Variants in OPCML observed in about 807,000 individuals in gnomAD.
OPCML encodes opioid-binding protein/cell adhesion molecule.
A neutral mutation model predicts 37.8 loss-of-function variants in OPCML; 13 were observed. That is an observed-to-expected ratio of 0.34 (90% CI 0.22 to 0.55). The LOEUF (loss-of-function observed/expected upper bound fraction) is 0.55. Among genes scored for constraint, OPCML ranks in the 20% least tolerant of loss-of-function variants. The pLI, the probability that OPCML is intolerant of heterozygous loss-of-function variation, is 0.91. For missense variants in OPCML, 341 were observed against 435.6 expected (o/e 0.78, Z 1.93); for synonymous variants, 176 against 168.8 (o/e 1.04, Z -0.33).
chr11:133,191,092 T>C (rs1038397082), intron 1 of OPCML, among the ~76,000 whole-genome samples: 5 of 152,226 alleles, frequency 3.3e-5, no homozygotes, highest in Non-Finnish European at 7.3e-5. Context: ...GTACCATTTT[T>C]TCATTTTCCT....
chr11:133,381,138 A>G (rs1293144987), intron 1 of OPCML, among the ~76,000 whole-genome samples: 2 of 152,230 alleles, frequency 1.3e-5, no homozygotes, highest in Non-Finnish European at 2.9e-5. Flanking sequence ...GGAGTGGCTT[A>G]GAAATTGGAC....
At chr11:132,422,655 A>G (rs1341882405) in intron 7 of OPCML, among the ~76,000 whole-genome samples, 1 of 152,244 alleles carries the variant, frequency 6.6e-6, no homozygotes, top group Non-Finnish European at 1.5e-5. Flanking sequence ...CCTATGAGCT[A>G]TGTGCTACTG....
At chr11:132,999,228 T>C (rs893659227) in intron 1 of OPCML, among the ~76,000 whole-genome samples, 4 of 152,144 alleles carry the variant, frequency 2.6e-5, no homozygotes, top group African/African-American at 2.4e-5. Flanking sequence ...CTAAACCTAC[T>C]ATCATTTCTC....
At chr11:133,027,512 C>T (rs929990203) in intron 1 of OPCML, among the ~76,000 whole-genome samples, 8 of 140,050 alleles carry the variant, frequency 5.7e-5, no homozygotes, top group Admixed American at 1.4e-4. Flanking sequence ...GTGTGTAGTG[C>T]GGTGTGTGTG....
At chr11:133,032,306 C>T (rs35538167) in intron 1 of OPCML, among the ~76,000 whole-genome samples, 20,278 of 152,186 alleles carry the variant, frequency 0.13, 1,725 homozygotes, top group Middle Eastern at 0.21. Context: ...TTACATAATG[C>T]CCCAGCCCAG....
rs1939355634 is a variant in OPCML at position 133,211,463 on chromosome 11, T to G, written c.62-268453A>C. On this transcript the variant is annotated intron_variant, in intron 1 of 7. Coordinates refer to ENST00000524381, the MANE Select transcript of OPCML (RefSeq NM_001012393.5). This position sits in a 1 kb window ranked among gnomAD's most constrained non-coding sequence, Gnocchi z 4.1. ...CTGCACTACAATAAGACATTGTCAA[T>G]CAGCAGCCTTGAGTCCTTGGAGATA... is the stretch of plus-strand genomic sequence containing the variant. 6.6e-6 allele frequency among the ~76,000 whole-genome samples: 1 copy of G among 152,200 alleles called. No individual in the cohort carries two copies. The highest frequency in any genetic ancestry group is 6.5e-5 in the Admixed American group (1 of 15,284).
At chr11:133,391,271 G>A (rs1163653446) in intron 1 of OPCML, among the ~76,000 whole-genome samples, 3 of 152,160 alleles carry the variant, frequency 2.0e-5, no homozygotes, top group Non-Finnish European at 4.4e-5. Flanking sequence ...GCTGCAGAAT[G>A]ACCTACTGGC....
intron 2 of OPCML, among the ~76,000 whole-genome samples, chr11:132,752,565 G>T (rs924385988): frequency 1.3e-5 from 2 of 151,736 alleles, no homozygotes; most frequent in African/African-American, 4.8e-5. Flanking sequence ...AGAAAATAAA[G>T]AATCTGTAGA....
At chr11:132,908,258 T>C (rs1216755450) in intron 2 of OPCML, among the ~76,000 whole-genome samples, 1 of 151,794 alleles carries the variant, frequency 6.6e-6, no homozygotes, top group Non-Finnish European at 1.5e-5. Context: ...ATTAGTCCCC[T>C]CCCCCAAAGA....
intron 3 of OPCML, among the ~76,000 whole-genome samples, chr11:132,595,660 C>T (rs1591600941): frequency 6.6e-6 from 1 of 152,296 alleles, no homozygotes; most frequent in South Asian, 2.1e-4. Context: ...AGGACCTGTG[C>T]ATCCAGAACA....
At chr11:132,491,820 T>C (rs576887313) in intron 4 of OPCML, among the ~76,000 whole-genome samples, 1 of 152,086 alleles carries the variant, frequency 6.6e-6, no homozygotes, top group Non-Finnish European at 1.5e-5. Flanking sequence ...AGGAATCATA[T>C]GCTGGGACAG....
intron 2 of OPCML, among the ~76,000 whole-genome samples, chr11:132,683,528 G>A (rs140062190): frequency 0.013 from 2,011 of 152,228 alleles, 15 homozygotes; most frequent in Admixed American, 0.021. Context: ...ATGACTTTTC[G>A]TAACTTAAAT....
chr11:133,186,661 T>C (rs904881207), intron 1 of OPCML, among the ~76,000 whole-genome samples: 1 of 152,210 alleles, frequency 6.6e-6, no homozygotes, highest in Non-Finnish European at 1.5e-5. Flanking sequence ...ACTTAGGACA[T>C]GTATATTATG....
intron 1 of OPCML, among the ~76,000 whole-genome samples, chr11:133,209,396 G>A (rs919788724): frequency 8.5e-5 from 13 of 152,188 alleles, no homozygotes; most frequent in African/African-American, 3.1e-4. Flanking sequence ...CTTCTCAGCT[G>A]TCTTAATGCC....
Position 133,437,300 on chromosome 11 carries a change from T to C in OPCML, c.61+94964A>G, listed in dbSNP as rs563641138. Among the ~76,000 whole-genome samples, 3 of 152,180 alleles carry C rather than the reference T, an allele frequency of 2.0e-5. No homozygotes were observed. In the South Asian group the frequency reaches 6.2e-4, roughly 32 times the overall value. On this transcript the variant is annotated intron_variant, in intron 1 of 7. Transcript: ENST00000524381. Reference sequence around the variant, plus strand: ...AGCCATTATCAATAACCTAATAATATCAATAGGGGCTAAGATGAGATGGCG... The same window carrying C: ...AGCCATTATCAATAACCTAATAATACCAATAGGGGCTAAGATGAGATGGCG...
chr11:132,822,400 T>C (rs1330395474), intron 2 of OPCML, among the ~76,000 whole-genome samples: 1 of 152,186 alleles, frequency 6.6e-6, no homozygotes, highest in African/African-American at 2.4e-5. Context: ...CTGCACTCGG[T>C]GACATTCCCC....
At chr11:133,326,677 G>T (rs1402741919) in intron 1 of OPCML, among the ~76,000 whole-genome samples, 2 of 136,288 alleles carry the variant, frequency 1.5e-5, no homozygotes, top group Non-Finnish European at 3.2e-5. Context: ...GGGTGGGGGT[G>T]GGGGTGTGAG....
intron 3 of OPCML, among the ~76,000 whole-genome samples, chr11:132,623,213 G>C (rs948066862): frequency 7.9e-5 from 12 of 152,102 alleles, no homozygotes; most frequent in African/African-American, 2.9e-4. Flanking sequence ...CTGAGGCAGA[G>C]CACATAAACC....
chr11:132,681,904 G>A (rs185297345), intron 2 of OPCML, among the ~76,000 whole-genome samples: 1 of 151,790 alleles, frequency 6.6e-6, no homozygotes, highest in Admixed American at 6.6e-5. Context: ...GCAGTGAGCC[G>A]AGATCGCGCC....
Sources: allele counts gnomAD v4.1 joint callset (sites outside exome capture counted in the v4.1 genomes callset), GRCh38; gene constraint gnomAD v4.1.1; non-coding constraint Gnocchi (gnomAD v3.1); transcripts MANE v1.5; gene names NCBI Gene and HGNC (gene_info 2026-07-23, HGNC 2026-07-21).